ANKS3: variants seen among roughly 807,000 people sequenced by gnomAD.
The protein encoded by ANKS3 is ankyrin repeat and sterile alpha motif domain containing 3.
ANKS3 carries 62 observed loss-of-function variants against 80.7 expected under a neutral mutation model. The observed-to-expected ratio is 0.77, with a 90% confidence interval of 0.63 to 0.95. The LOEUF is 0.95. Among genes scored for constraint, ANKS3 ranks in the 40% least tolerant of loss-of-function variants. ANKS3 has a pLI of 0.00. For missense variants in ANKS3, 1,150 were observed against 883.6 expected (o/e 1.30, Z -3.82); for synonymous variants, 489 against 355.3 (o/e 1.38, Z -4.23).
chr16:4,726,844 A>C (rs2081379154), intron 4 of ANKS3, 64 bp from the exon 5 acceptor site: 1 of 1,598,404 alleles, frequency 6.3e-7, no homozygotes, highest in Non-Finnish European at 8.5e-7. Flanking sequence ...GGCGCCCTCC[A>C]GGCGGCCATG....
intron 7 of ANKS3, among the ~76,000 whole-genome samples, chr16:4,710,572 G>A (rs750334542): frequency 1.4e-4 from 21 of 152,038 alleles, no homozygotes; most frequent in Admixed American, 3.9e-4. Context: ...AGCTGGGCGT[G>A]GTAGGGTGCA....
At chr16:4,701,587 G>A (rs760033646) in intron 9 of ANKS3, 44 bp from the exon 10 acceptor site, 1 of 1,552,804 alleles carries the variant, frequency 6.4e-7, no homozygotes, top group Non-Finnish European at 8.8e-7. Context: ...CCCTCACCGA[G>A]GTGCTGCGCA....
At chr16:4,712,146 G>T (rs982590845) in intron 7 of ANKS3, among the ~76,000 whole-genome samples, 2 of 152,144 alleles carry the variant, frequency 1.3e-5, no homozygotes, top group Non-Finnish European at 2.9e-5. Context: ...TGAGGCAGGC[G>T]GATCACTGGA....
At chr16:4,715,252 C>A (rs1328032433) in intron 6 of ANKS3, among the ~76,000 whole-genome samples, 1 of 151,686 alleles carries the variant, frequency 6.6e-6, no homozygotes, top group Non-Finnish European at 1.5e-5. Context: ...ACAACCTGGG[C>A]AACACAGCAT....
chr16:4,698,736 T>C, intron 13 of ANKS3, 64 bp downstream of exon 13: 23 of 1,552,414 alleles, frequency 1.5e-5, no homozygotes, highest in Non-Finnish European at 2.0e-5. Flanking sequence ...CCACCTTTTC[T>C]GTCAGAGATG....
In ANKS3 at chr16:4,702,659, G is replaced by A. The variant is rs189739620; in HGVS notation, c.869-417C>T. Among the ~76,000 whole-genome samples, 16 of 152,206 alleles carry A rather than the reference G, an allele frequency of 1.1e-4. No homozygotes were observed. In the East Asian group the frequency reaches 2.7e-3, roughly 26 times the overall value. On this transcript the variant is annotated intron_variant, in intron 8 of 17. Transcript: ENST00000304283. ...TGACCTTTAACCACAGGCGCTTAGC[G>A]GGCCTCCTCTGGTCAGTCAACCCCG...
In ANKS3 at chr16:4,698,852, T is replaced by A. The variant is rs900129457; in HGVS notation, c.1499A>T (p.Tyr500Phe). 6.2e-7 allele frequency: 1 copy of A among 1,606,738 alleles called. No homozygotes were observed. The highest frequency in any genetic ancestry group is 1.1e-5 in the South Asian group (1 of 89,998). ...CATCTCAGCCTCCAGCCGGTCGGCG[T>A]AGGCCAGCTCCAGGGCATCCCCGGG... ...RPPGDALELA[Y>F]ADRLEAEMQE... The change falls in exon 13 of 18, where the codon TAC (tyrosine) becomes TTC (phenylalanine). Residue 500 changes from tyrosine to phenylalanine, a missense_variant. Coordinates refer to ENST00000304283, the MANE Select transcript of ANKS3 (RefSeq NM_133450.4).
chr16:4,702,188 A>AG lies in ANKS3; in HGVS notation c.922dup (p.Leu308ProfsTer17). On this transcript the variant is annotated frameshift_variant, in exon 9 of 18. Transcript: ENST00000304283. LOFTEE classifies it high-confidence loss of function. ...CCGGCAGCAGAGGCCCTCTTCTTCC[A>AG]GGGGGTTCTCGCCACTGCTGTTGAA... is the stretch of plus-strand genomic sequence containing the variant. 1 of 1,594,670 alleles carries AG rather than the reference A, an allele frequency of 6.3e-7. No homozygotes were observed. The highest frequency in any genetic ancestry group is 8.5e-7 in the Non-Finnish European group (1 of 1,170,910).
At chr16:4,705,772 T>C (rs1426727298) in intron 7 of ANKS3, among the ~76,000 whole-genome samples, 1 of 152,052 alleles carries the variant, frequency 6.6e-6, no homozygotes, top group African/African-American at 2.4e-5. Context: ...GAGTTTATTA[T>C]CTCTGTTGGG....
At chr16:4,718,047 T>A (rs1323244426) in intron 6 of ANKS3, among the ~76,000 whole-genome samples, 1 of 151,694 alleles carries the variant, frequency 6.6e-6, no homozygotes, top group African/African-American at 2.4e-5. Context: ...AGTGCTGGGA[T>A]TACAGGCATG....
rs553064149 is a variant in ANKS3, at chr16:4,707,867, T to C, written c.710-2614A>G. On this transcript the variant is annotated intron_variant, in intron 7 of 17. Transcript: ENST00000304283. ...GGCTCACGCCTGTAATCCCAGCACT[T>C]TGGGAGGCCGAGGTGGGCGGATCAC... 3.9e-5 allele frequency among the ~76,000 whole-genome samples: 6 copies of C among 152,216 alleles called. No individual in the cohort carries two copies. In the East Asian group the frequency reaches 1.2e-3, roughly 29 times the overall value.
At chr16:4,716,305 G>T (rs1400197010) in intron 6 of ANKS3, among the ~76,000 whole-genome samples, 1 of 146,238 alleles carries the variant, frequency 6.8e-6, no homozygotes, top group African/African-American at 2.5e-5. Context: ...AGGTTGCAGT[G>T]AGCCAAGATC....
At chr16:4,728,942 G>A (rs909375289) in intron 3 of ANKS3, among the ~76,000 whole-genome samples, 1 of 152,146 alleles carries the variant, frequency 6.6e-6, no homozygotes, top group Non-Finnish European at 1.5e-5. Context: ...CTTGGGAACC[G>A]GAGACCTGGG....
chr16:4,714,370 A>T (rs915097148), intron 6 of ANKS3, 184 bp from the exon 7 acceptor site: 5 of 838,500 alleles, frequency 6.0e-6, no homozygotes, highest in Middle Eastern at 3.5e-4. Flanking sequence ...TTTTGCTCTC[A>T]CTCTCTTCTT....
rs745383444 is a variant in ANKS3 at position 4,699,077 on chromosome 16, T to C, written c.1384A>G (p.Ser462Gly). The C allele has an allele frequency of 6.2e-7, 1 of 1,614,064 alleles. No homozygotes were observed. Among genetic ancestry groups the C allele is most frequent in the Non-Finnish European group, 8.5e-7 (1 of 1,180,026 alleles). The change falls in exon 12 of 18, where the codon AGC becomes GGC. Residue 462 changes from serine (S) to glycine (G), a missense_variant. Transcript: ENST00000304283. ...GTGATGCCAATTTCCTTCAGGTCGC[T>C]CTCAGTGAGGGTCAGAAAGATGCGG... is the stretch of plus-strand genomic sequence containing the variant. ...DLRIFLTLTE[S>G]DLKEIGITLF...
intron 7 of ANKS3, among the ~76,000 whole-genome samples, chr16:4,706,311 A>G (rs1273693475): frequency 6.6e-6 from 1 of 151,936 alleles, no homozygotes; most frequent in East Asian, 1.9e-4. Context: ...GCTCACTGCA[A>G]GCTCCACCTC....
chr16:4,726,855 C>A, intron 4 of ANKS3, 75 bp from the exon 5 acceptor site: 1 of 1,596,664 alleles, frequency 6.3e-7, no homozygotes, highest in Admixed American at 1.7e-5. Flanking sequence ...GGCGGCCATG[C>A]TGCAAGAATC....
intron 8 of ANKS3, among the ~76,000 whole-genome samples, chr16:4,702,867 G>A (rs1482329117): frequency 6.6e-6 from 1 of 152,132 alleles, no homozygotes; most frequent in East Asian, 1.9e-4. Context: ...ACCAGTCACG[G>A]TGGCACATGT....
intron 6 of ANKS3, among the ~76,000 whole-genome samples, chr16:4,723,321 A>G (rs532465012): frequency 2.0e-5 from 3 of 152,132 alleles, no homozygotes; most frequent in South Asian, 2.1e-4. Flanking sequence ...CCACTCATCT[A>G]TTTTCTGTCT....
Sources: gnomAD v4.1 joint callset for allele counts (sites outside exome capture counted in the v4.1 genomes callset) on GRCh38, gnomAD v4.1.1 for gene constraint, MANE v1.5 for transcripts, NCBI Gene and HGNC (gene_info 2026-07-23, HGNC 2026-07-21) for gene names.